Variants in RPTOR observed in about 807,000 individuals in gnomAD.
The protein encoded by RPTOR is regulatory-associated protein of mTOR.
A neutral mutation model predicts 169.9 loss-of-function variants in RPTOR; 21 were observed. The ratio of observed to expected loss-of-function variants is 0.12; its 90% CI spans 0.09 to 0.18. The LOEUF (loss-of-function observed/expected upper bound fraction) is 0.18. RPTOR is among the 10% of genes least tolerant of loss of function. The pLI is 1.00. For missense variants in RPTOR, 1,133 were observed against 1,855.9 expected (o/e 0.61, Z 7.16); for synonymous variants, 732 against 753.2 (o/e 0.97, Z 0.46).
intron 1 of RPTOR, among the ~76,000 whole-genome samples, chr17:80,548,371 G>GTTTTTT (rs34301408): frequency 4.7e-5 from 3 of 63,438 alleles, no homozygotes; most frequent in Non-Finnish European, 6.0e-5. Context: ...GCCTGGGGTG[G>GTTTTTT]TTTTTTTTTT....
Position 80,965,476 on chromosome 17 carries a change from C to T in RPTOR, c.*1146C>T, listed in dbSNP as rs536119336. The T allele has an allele frequency of 2.1e-5, 5 of 233,366 alleles. No homozygotes were observed. In the South Asian group the frequency reaches 5.4e-4, roughly 25 times the overall value. 14.5% of individuals were successfully genotyped at this position (233,366 alleles called of 1,614,324 possible). A position where few individuals can be genotyped will look rare whatever the true frequency, so the allele number is the denominator to read the frequency against. ...GTCCCGCCCAGGAGGGGCCGCAGGG[C>T]GTGTATGAGCAGTTTTGCAAACAGA... On this transcript the variant is annotated 3_prime_UTR_variant, in exon 34 of 34. Coordinates refer to ENST00000306801, the MANE Select transcript of RPTOR (RefSeq NM_020761.3).
At chr17:80,830,140 C>T (rs1162344837) in intron 9 of RPTOR, among the ~76,000 whole-genome samples, 5 of 152,158 alleles carry the variant, frequency 3.3e-5, no homozygotes, top group East Asian at 1.9e-4. Context: ...GCAGGTCCCA[C>T]GCTATAGGTG....
At position 80,598,882 on chromosome 17, in the gene RPTOR, T is replaced by TTCTATCTATCTATCTATCTA. The variant is rs57535540; in HGVS notation, c.163-26781_163-26762dup. Among the ~76,000 whole-genome samples, 268 of 146,870 alleles carry TTCTATCTATCTATCTATCTA rather than the reference T, an allele frequency of 1.8e-3. 2 individuals carry two copies. The highest frequency in any genetic ancestry group is 6.8e-3 in the Middle Eastern group (2 of 292). The stretch of plus-strand genomic sequence containing the variant: ...ATTGACCTTAAACTTTCTTGATTCT[T>TTCTATCTATCTATCTATCTA]TCTATCTATCTATCTATCTATCTAT... On this transcript the variant is annotated intron_variant, in intron 1 of 33. Coordinates refer to ENST00000306801, the MANE Select transcript of RPTOR (RefSeq NM_020761.3).
chr17:80,643,985 C>T (rs968113717), intron 3 of RPTOR, among the ~76,000 whole-genome samples, 175 bp downstream of exon 3: 3 of 152,258 alleles, frequency 2.0e-5, no homozygotes, highest in African/African-American at 7.2e-5. Context: ...CTATTGGTGG[C>T]TGTGTTGTCT....
chr17:80,634,749 CTGTGTGTGTGCGTACTGTG>C (rs2065489464), intron 2 of RPTOR, among the ~76,000 whole-genome samples: 1 of 57,900 alleles, frequency 1.7e-5, no homozygotes, highest in African/African-American at 8.6e-5. Flanking sequence ...TGTGTGCATA[CTGTGTGTGTGCGTACTGTG>C]CGTGTGTGTA....
chr17:80,839,326 G>A (rs1195683960), intron 10 of RPTOR, among the ~76,000 whole-genome samples: 1 of 151,916 alleles, frequency 6.6e-6, no homozygotes, highest in African/African-American at 2.4e-5. Flanking sequence ...TGATTTTTTT[G>A]GTAACATTTG....
intron 24 of RPTOR, among the ~76,000 whole-genome samples, chr17:80,932,958 C>G (rs534218398): frequency 4.6e-5 from 7 of 152,238 alleles, no homozygotes; most frequent in Non-Finnish European, 7.3e-5. Context: ...CCACAGACTT[C>G]TCATTAGAAA....
intron 1 of RPTOR, among the ~76,000 whole-genome samples, chr17:80,621,624 G>T (rs765818778): frequency 6.6e-6 from 1 of 152,192 alleles, no homozygotes; most frequent in South Asian, 2.1e-4. Flanking sequence ...TGGATTCCTC[G>T]CTGGGAGGGG....
chr17:80,829,733 G>T (rs1178415520), intron 9 of RPTOR, among the ~76,000 whole-genome samples: 1 of 152,216 alleles, frequency 6.6e-6, no homozygotes, highest in Admixed American at 6.5e-5. Flanking sequence ...TTCTTCCTCA[G>T]CCCCTCCTGT....
chr17:80,882,162 C>T (rs187854339), intron 14 of RPTOR, among the ~76,000 whole-genome samples: 5 of 152,244 alleles, frequency 3.3e-5, no homozygotes, highest in South Asian at 2.1e-4. Flanking sequence ...ATATGAAAGC[C>T]GGGCTAAGAG....
chr17:80,700,732 GAT>G (rs2066089392), intron 3 of RPTOR, among the ~76,000 whole-genome samples: 2 of 89,060 alleles, frequency 2.2e-5, no homozygotes, highest in Non-Finnish European at 4.9e-5. Context: ...TGGTGGTGAT[GAT>G]GGTGGTGGTG....
chr17:80,791,912 C>G (rs35292957), intron 7 of RPTOR, among the ~76,000 whole-genome samples: 34,447 of 151,964 alleles, frequency 0.23, 4,090 homozygotes, highest in Middle Eastern at 0.27. Context: ...TCCCCTCCCC[C>G]CCTGTCGCCA....
chr17:80,839,738 T>C (rs2067606610), intron 10 of RPTOR, among the ~76,000 whole-genome samples: 1 of 152,240 alleles, frequency 6.6e-6, no homozygotes, highest in South Asian at 2.1e-4. Flanking sequence ...GGCCTTTCTG[T>C]ACTCTGAGCG....
At chr17:80,675,550 A>G (rs1177794479) in intron 3 of RPTOR, among the ~76,000 whole-genome samples, 2 of 152,118 alleles carry the variant, frequency 1.3e-5, no homozygotes, top group African/African-American at 4.8e-5. Context: ...TTCTGGAGGG[A>G]TGCCCTCCCT....
At chr17:80,879,942 C>T (rs1419387921) in intron 13 of RPTOR, among the ~76,000 whole-genome samples, 1 of 152,236 alleles carries the variant, frequency 6.6e-6, no homozygotes, top group Non-Finnish European at 1.5e-5. Flanking sequence ...ACACAAATCA[C>T]TGGGAATTAC....
At chr17:80,768,826 C>T (rs573540269) in intron 6 of RPTOR, among the ~76,000 whole-genome samples, 30 of 152,246 alleles carry the variant, frequency 2.0e-4, no homozygotes, top group African/African-American at 6.5e-4. Flanking sequence ...TGTGCCTAAG[C>T]GTGCTCATGC....
intron 20 of RPTOR, 67 bp downstream of exon 20, chr17:80,893,932 C>G: frequency 2.1e-6 from 3 of 1,442,994 alleles, no homozygotes; most frequent in Non-Finnish European, 2.8e-6. Flanking sequence ...CAGAGCAGCA[C>G]AGACCTGTGT....
Position 80,841,577 on chromosome 17 carries a change from A to C in RPTOR, c.1212+3580A>C, listed in dbSNP as rs1230825692. ...TCTCACCGCACGGCAGATCACTCTC[A>C]CCGCACGGCAGCTCACTCTCACCGC... On this transcript the variant is annotated intron_variant, in intron 10 of 33. Coordinates refer to ENST00000306801, the MANE Select transcript of RPTOR (RefSeq NM_020761.3). Among the ~76,000 whole-genome samples, 159 of 122,146 alleles carry C rather than the reference A, an allele frequency of 1.3e-3. 2 individuals carry two copies. The highest frequency in any genetic ancestry group is 5.2e-3 in the African/African-American group (152 of 29,354). The allele number at this position is 122,146 out of a possible 152,430, so 80.1% of individuals were successfully genotyped here. A position where few individuals can be genotyped will look rare whatever the true frequency, so the allele number is the denominator to read the frequency against.
Position 80,918,438 on chromosome 17 carries a change from TCGCCGGAGTCATAGCCAC to T in RPTOR, c.2521-4285_2521-4268del, listed in dbSNP as rs2068701435. ...GCGGGGGTCATAGCCACGAGCACCC[TCGCCGGAGTCATAGCCAC>T]GAGCACCCTCGCCGGAGTCATAGCC... On this transcript the variant is annotated intron_variant, in intron 21 of 33. Coordinates refer to ENST00000306801, the MANE Select transcript of RPTOR (RefSeq NM_020761.3). Among the ~76,000 whole-genome samples the T allele has an allele frequency of 4.9e-5, 6 of 122,738 alleles. No homozygotes were observed. In the South Asian group the frequency reaches 1.3e-3, roughly 26 times the overall value. The allele number at this position is 122,738 out of a possible 152,430, so 80.5% of individuals were successfully genotyped here.
Sources: allele counts gnomAD v4.1 joint callset (sites outside exome capture counted in the v4.1 genomes callset), GRCh38; gene constraint gnomAD v4.1.1; transcripts MANE v1.5; gene names NCBI Gene and HGNC (gene_info 2026-07-23, HGNC 2026-07-21).